The following VPS13B variants were observed in gnomAD, a reference collection of about 807,000 sequenced individuals.
The protein encoded by VPS13B is intermembrane lipid transfer protein VPS13B.
Under a neutral mutation model 426.4 loss-of-function variants are expected in VPS13B, and 285 were observed. That is an observed-to-expected ratio of 0.67 (90% CI 0.61 to 0.74). The LOEUF (loss-of-function observed/expected upper bound fraction) is 0.74, where lower values mean the gene tolerates loss of function less well. Among genes scored for constraint, VPS13B ranks in the 30% least tolerant of loss-of-function variants. VPS13B has a pLI of 0.00. For missense variants in VPS13B, 4,537 were observed against 4,782.6 expected, an observed-to-expected ratio of 0.95 and a Z score of 1.51; for synonymous variants, 1,676 against 1,676.4, an observed-to-expected ratio of 1.00 and a Z score of 0.01.
Position 99,136,861 on chromosome 8 carries a change from C to T in VPS13B, c.1651+109C>T, listed in dbSNP as rs1039527238. ...TTGTACTCTGCTACATAAGATTTAT[C>T]TTCTAGTACTTTGGGGAGTGGTTTA... On this transcript the variant is annotated intron_variant, in intron 12 of 61. Coordinates refer to ENST00000357162, the MANE Select transcript of VPS13B (RefSeq NM_152564.5). 2.2e-4 allele frequency: 224 copies of T among 1,039,400 alleles called. 2 individuals are homozygous for T. In the South Asian group the frequency reaches 2.3e-3, roughly 11 times the overall value. The allele number at this position is 1,039,400 out of a possible 1,614,324, so 64.4% of individuals were successfully genotyped here.
chr8:99,351,979 C>T (rs911822132), intron 19 of VPS13B, among the ~76,000 whole-genome samples: 3 of 151,952 alleles, frequency 2.0e-5, no homozygotes, highest in Non-Finnish European at 2.9e-5. Context: ...AAAGTACTCT[C>T]GGGAGTCTGG....
intron 17 of VPS13B, among the ~76,000 whole-genome samples, chr8:99,244,360 T>A (rs1172108774): frequency 6.6e-6 from 1 of 152,234 alleles, no homozygotes; most frequent in Non-Finnish European, 1.5e-5. Context: ...CCCTGAACAG[T>A]CCAGTTTTTA....
chr8:99,277,020 C>T lies in VPS13B; in HGVS notation c.2824+1766C>T, dbSNP rs972372745. On this transcript the variant is annotated intron_variant, in intron 19 of 61. Transcript: ENST00000357162. ...TACCTTTTATAATTTAAATGCATTT[C>T]TAGGGTCACAAAATTTTATTTTTGT... 2.6e-5 allele frequency among the ~76,000 whole-genome samples: 4 copies of T among 151,900 alleles called. No individual in the cohort carries two copies. In the South Asian group the frequency reaches 8.3e-4, roughly 31 times the overall value.
intron 35 of VPS13B, among the ~76,000 whole-genome samples, chr8:99,681,051 A>G (rs1295987450): frequency 6.6e-6 from 1 of 152,218 alleles, no homozygotes; most frequent in Non-Finnish European, 1.5e-5. Context: ...ATTTGTAAAA[A>G]TAATCTTCCT....
chr8:99,148,235 A>G (rs548988990), intron 14 of VPS13B, among the ~76,000 whole-genome samples: 136 of 151,864 alleles, frequency 9.0e-4, no homozygotes, highest in Non-Finnish European at 1.6e-3. Flanking sequence ...ACGGTGGCAC[A>G]TGCCTGTATT....
At chr8:99,648,988 T>A (rs1399107035) in intron 34 of VPS13B, among the ~76,000 whole-genome samples, 2 of 152,060 alleles carry the variant, frequency 1.3e-5, no homozygotes, top group African/African-American at 4.8e-5. Flanking sequence ...ATATTTTTGC[T>A]GGATGTAAAA....
intron 25 of VPS13B, among the ~76,000 whole-genome samples, chr8:99,483,379 C>A (rs1182444932): frequency 6.6e-6 from 1 of 152,080 alleles, no homozygotes; most frequent in African/African-American, 2.4e-5. Context: ...GCAGTGAATT[C>A]TTTCTTGAAG....
intron 39 of VPS13B, among the ~76,000 whole-genome samples, chr8:99,744,802 A>G (rs1809984662): frequency 6.8e-6 from 1 of 147,698 alleles, no homozygotes; most frequent in Non-Finnish European, 1.5e-5. Flanking sequence ...GGGGAACATC[A>G]CACACCGGGG....
chr8:99,805,248 A>G (rs1813338348), intron 43 of VPS13B, among the ~76,000 whole-genome samples: 1 of 151,846 alleles, frequency 6.6e-6, no homozygotes, highest in Non-Finnish European at 1.5e-5. Flanking sequence ...AATGCAAAAA[A>G]AAAAATACAC....
intron 2 of VPS13B, among the ~76,000 whole-genome samples, chr8:99,028,372 C>A (rs1475754865): frequency 6.9e-6 from 1 of 144,410 alleles, no homozygotes; most frequent in Non-Finnish European, 1.5e-5. Context: ...CCGGATGGGG[C>A]GGCTGGCCGG....
chr8:99,656,974 T>C (rs951941493), intron 34 of VPS13B, among the ~76,000 whole-genome samples: 1 of 152,210 alleles, frequency 6.6e-6, no homozygotes, highest in East Asian at 1.9e-4. Context: ...TTATCAACCC[T>C]GTAAATTCAG....
intron 41 of VPS13B, among the ~76,000 whole-genome samples, chr8:99,777,706 G>T (rs564981163): frequency 1.3e-5 from 2 of 152,246 alleles, no homozygotes; most frequent in South Asian, 4.2e-4. Flanking sequence ...TTCCACAAAA[G>T]ATAGGCACAG....
chr8:99,467,686 C>A, intron 24 of VPS13B, 52 bp downstream of exon 24: 1 of 1,557,768 alleles, frequency 6.4e-7, no homozygotes, highest in Non-Finnish European at 8.8e-7. Flanking sequence ...GATTTAAAAG[C>A]AATTGTTATC....
intron 14 of VPS13B, among the ~76,000 whole-genome samples, chr8:99,153,961 G>C (rs1292081323): frequency 1.3e-5 from 2 of 151,124 alleles, no homozygotes; most frequent in Non-Finnish European, 3.0e-5. Flanking sequence ...TGGAATTCTA[G>C]GTTTGTGGGT....
intron 19 of VPS13B, chr8:99,340,686 C>T: frequency 1.3e-5 from 5 of 389,658 alleles, no homozygotes; most frequent in South Asian, 1.1e-4. Flanking sequence ...GAAGATGATG[C>T]ACAGGTGTTT....
chr8:99,859,479 A>G lies in VPS13B; in HGVS notation c.11043A>G (p.Lys3681=). The change falls in exon 57 of 62, where the codon AAA becomes AAG. Residue 3681 remains lysine (K), a splice_region_variant and synonymous_variant. Coordinates refer to ENST00000357162, the MANE Select transcript of VPS13B (RefSeq NM_152564.5). The stretch of plus-strand genomic sequence containing the variant: ...CATCGTTTGTAAAGCACATCTCCAA[A>G]GGTAGCGGGTTCCGTTCCTTGTAAT... The part of the protein sequence containing the change: ...GTTSFVKHIS[K]GTLTSITNLA... The G allele has an allele frequency of 6.2e-7, 1 of 1,612,452 alleles. No individual in the cohort carries two copies. Among genetic ancestry groups the G allele is most frequent in the Non-Finnish European group, 8.5e-7 (1 of 1,179,852 alleles).
intron 39 of VPS13B, among the ~76,000 whole-genome samples, chr8:99,723,753 G>C (rs995821272): frequency 6.6e-6 from 1 of 152,132 alleles, no homozygotes; most frequent in Admixed American, 6.5e-5. Context: ...GTATCAAAAA[G>C]GTCTTGCTAT....
At chr8:99,810,871 A>G (rs1166329835) in intron 44 of VPS13B, among the ~76,000 whole-genome samples, 1 of 152,180 alleles carries the variant, frequency 6.6e-6, no homozygotes, top group Non-Finnish European at 1.5e-5. Flanking sequence ...ACAGTATAGC[A>G]TAAACGAAGA....
intron 17 of VPS13B, among the ~76,000 whole-genome samples, chr8:99,193,260 A>G (rs1338216327): frequency 6.6e-6 from 1 of 152,176 alleles, no homozygotes; most frequent in Non-Finnish European, 1.5e-5. Flanking sequence ...ATTTCTGCAT[A>G]TGTTTCATAA....
Sources: allele counts gnomAD v4.1 joint callset (sites outside exome capture counted in the v4.1 genomes callset), GRCh38; gene constraint gnomAD v4.1.1; transcripts MANE v1.5; gene names NCBI Gene and HGNC (gene_info 2026-07-23, HGNC 2026-07-21).